DLGAP2: variants seen among roughly 807,000 people sequenced by gnomAD.
DLGAP2 encodes DLG associated protein 2.
DLGAP2 carries 26 observed loss-of-function variants against 100.3 expected under a neutral mutation model. The ratio of observed to expected loss-of-function variants is 0.26; its 90% CI spans 0.19 to 0.36. The LOEUF is 0.36. Ranked by LOEUF, DLGAP2 falls within the 10% of genes least tolerant of loss-of-function variation. The probability of loss-of-function intolerance (pLI) is 1.00; values close to 1 mark genes in which losing one functional copy is unlikely to be tolerated. For synonymous variants in DLGAP2, 886 were observed against 630.1 expected (o/e 1.41, Z -6.08); for missense variants, 1,858 against 1,453.2 (o/e 1.28, Z -4.53).
At chr8:900,688 G>C (rs1309323065) in intron 1 of DLGAP2, among the ~76,000 whole-genome samples, 2 of 152,180 alleles carry the variant, frequency 1.3e-5, no homozygotes, top group African/African-American at 2.4e-5. Flanking sequence ...ATCACCAGGA[G>C]GCGGCTGCAG....
intron 1 of DLGAP2, among the ~76,000 whole-genome samples, chr8:802,581 C>T (rs778636229): frequency 6.6e-6 from 1 of 152,210 alleles, no homozygotes; most frequent in Non-Finnish European, 1.5e-5. Context: ...TCAGGGGCTG[C>T]ATGGCGGGGT....
At chr8:1,654,154 T>A (rs1380407733) in intron 8 of DLGAP2, among the ~76,000 whole-genome samples, 1 of 152,200 alleles carries the variant, frequency 6.6e-6, no homozygotes, top group African/African-American at 2.4e-5. Context: ...AGTATAGATG[T>A]CATTCACAAT....
intron 8 of DLGAP2, among the ~76,000 whole-genome samples, chr8:1,636,102 ACT>A (rs1797759211): frequency 6.6e-6 from 1 of 152,096 alleles, no homozygotes; most frequent in African/African-American, 2.4e-5. Flanking sequence ...AAAACATCTA[ACT>A]CATTTCACAC....
chr8:1,545,992 C>G (rs528610732), intron 4 of DLGAP2, among the ~76,000 whole-genome samples: 1 of 152,288 alleles, frequency 6.6e-6, no homozygotes, highest in African/African-American at 2.4e-5. Flanking sequence ...AGGATGACAA[C>G]TTTATGCAGC....
intron 2 of DLGAP2, among the ~76,000 whole-genome samples, chr8:1,207,187 G>C (rs1007518799): frequency 6.6e-6 from 1 of 152,148 alleles, no homozygotes; most frequent in Non-Finnish European, 1.5e-5. Context: ...GTGCACGCAA[G>C]CCATGTACAC....
At chr8:1,588,471 A>C (rs77678437) in intron 6 of DLGAP2, among the ~76,000 whole-genome samples, 1 of 152,192 alleles carries the variant, frequency 6.6e-6, no homozygotes, top group Non-Finnish European at 1.5e-5. Flanking sequence ...CTATGAGTTC[A>C]TTGTCTTCTT....
chr8:1,701,638 C>G lies in DLGAP2; in HGVS notation c.*232C>G, dbSNP rs1459099838. 1.0e-4 allele frequency: 60 copies of G among 577,234 alleles called. 1 individual carries two copies. In the East Asian group the frequency reaches 1.8e-3, roughly 18 times the overall value. The allele number at this position is 577,234 out of a possible 1,614,324, so 35.8% of individuals were successfully genotyped here. A position where few individuals can be genotyped will look rare whatever the true frequency, so the allele number is the denominator to read the frequency against. On this transcript the variant is annotated 3_prime_UTR_variant, in exon 15 of 15. Transcript: ENST00000637795. ...TTGTTGTTGTTCACGGGTGGCCTGG[C>G]TCACACTTGGCTCTGAGGGACAGGT...
chr8:985,505 A>G (rs1219984560), intron 2 of DLGAP2, among the ~76,000 whole-genome samples: 3 of 152,232 alleles, frequency 2.0e-5, no homozygotes, highest in Non-Finnish European at 4.4e-5. Flanking sequence ...CTGGTCTTTC[A>G]CCAGTTGCTT....
chr8:897,989 G>T (rs897498899), intron 1 of DLGAP2, among the ~76,000 whole-genome samples: 20 of 152,242 alleles, frequency 1.3e-4, no homozygotes, highest in African/African-American at 4.8e-4. Flanking sequence ...ATCCTGCCTG[G>T]CACCCTGAGC....
chr8:915,357 C>G (rs1584886396), intron 2 of DLGAP2, among the ~76,000 whole-genome samples: 1 of 152,254 alleles, frequency 6.6e-6, no homozygotes, highest in East Asian at 1.9e-4. Context: ...ACCGTCCTGG[C>G]TAACACGGTG....
At chr8:739,520 C>T (rs1210313899) in intron 1 of DLGAP2, 1 of 152,242 alleles carries the variant, frequency 6.6e-6, no homozygotes, top group African/African-American at 2.4e-5. Context: ...GGTGAACGCA[C>T]CTTACACCAT....
At chr8:1,589,176 T>G (rs1584960984) in intron 6 of DLGAP2, among the ~76,000 whole-genome samples, 1 of 152,348 alleles carries the variant, frequency 6.6e-6, no homozygotes, top group Non-Finnish European at 1.5e-5. Flanking sequence ...GCAAAAAGCA[T>G]GTAGCACTAA....
intron 3 of DLGAP2, among the ~76,000 whole-genome samples, chr8:1,309,257 A>G (rs561668362): frequency 6.6e-6 from 1 of 152,338 alleles, no homozygotes; most frequent in African/African-American, 2.4e-5. Context: ...AAGAAGCATA[A>G]TGAACTTCAA....
chr8:1,220,463 A>G (rs1798294342), intron 2 of DLGAP2, among the ~76,000 whole-genome samples: 1 of 152,164 alleles, frequency 6.6e-6, no homozygotes, highest in South Asian at 2.1e-4. Flanking sequence ...CTGTGGTCCA[A>G]GAGTGTGCTT....
intron 1 of DLGAP2, among the ~76,000 whole-genome samples, chr8:826,321 C>A (rs944354569): frequency 3.3e-5 from 5 of 152,170 alleles, no homozygotes; most frequent in African/African-American, 1.2e-4. Flanking sequence ...TCCTGATTTC[C>A]TTCCTTTTGG....
At chr8:1,254,888 C>CTGTGTCTGTGCTCTCTCCTGCCCGG (rs1799137521) in intron 2 of DLGAP2, among the ~76,000 whole-genome samples, 15 of 128,738 alleles carry the variant, frequency 1.2e-4, no homozygotes, top group Admixed American at 4.4e-4. Flanking sequence ...CTCCTGCCCG[C>CTGTGTCTGTGCTCTCTCCTGCCCGG]GTGCTGTGTC....
Position 1,704,421 on chromosome 8 carries a change from T to C in DLGAP2, c.*3015T>C, listed in dbSNP as rs1799650931. The C allele has an allele frequency of 6.6e-6, 1 of 152,256 alleles. No homozygotes were observed. The highest frequency in any genetic ancestry group is 1.5e-5 in the Non-Finnish European group (1 of 68,044). The allele number at this position is 152,256 out of a possible 1,614,324, so 9.4% of individuals were successfully genotyped here. A position where few individuals can be genotyped will look rare whatever the true frequency, so the allele number is the denominator to read the frequency against. On this transcript the variant is annotated 3_prime_UTR_variant, in exon 15 of 15. Coordinates refer to ENST00000637795, the MANE Select transcript of DLGAP2 (RefSeq NM_001346810.2). ...GGCTGTGGTTAATAAAACACAAGTA[T>C]GATAAACAGGACCTAGCGTTTAGCC...
chr8:756,216 C>G (rs1033266405), intron 1 of DLGAP2, among the ~76,000 whole-genome samples: 2 of 152,036 alleles, frequency 1.3e-5, no homozygotes, highest in Admixed American at 6.6e-5. Flanking sequence ...GGGGGGGATA[C>G]TGCTGGTGGC....
intron 14 of DLGAP2, among the ~76,000 whole-genome samples, chr8:1,700,862 G>A (rs924484740): frequency 6.6e-6 from 1 of 152,222 alleles, no homozygotes; most frequent in South Asian, 2.1e-4. Context: ...CGCAGGAATC[G>A]GGCGACAATG....
Sources: gnomAD v4.1 joint callset for allele counts (sites outside exome capture counted in the v4.1 genomes callset) on GRCh38, gnomAD v4.1.1 for gene constraint, MANE v1.5 for transcripts, NCBI Gene and HGNC (gene_info 2026-07-23, HGNC 2026-07-21) for gene names.